The following OTUD4 variants were observed in gnomAD, a reference collection of about 807,000 sequenced individuals.
OTUD4 encodes the protein OTU deubiquitinase 4.
A neutral mutation model predicts 130.4 loss-of-function variants in OTUD4; 24 were observed. That is an observed-to-expected ratio of 0.18 (90% confidence interval 0.13 to 0.26). OTUD4 has a LOEUF of 0.26. Among genes scored for constraint, OTUD4 ranks in the 10% least tolerant of loss-of-function variants. OTUD4 has a pLI of 1.00. For missense variants in OTUD4, 1,031 were observed against 1,329.4 expected (o/e 0.78, Z 3.49); for synonymous variants, 420 against 472.5 (o/e 0.89, Z 1.44).
intron 3 of OTUD4, among the ~76,000 whole-genome samples, chr4:145,169,486 ATATT>A (rs994165649): frequency 6.6e-6 from 1 of 152,074 alleles, no homozygotes; most frequent in Admixed American, 6.6e-5. Context: ...GCAAAAAAAT[ATATT>A]TATTTATTTT....
rs769298389 is a variant in OTUD4 at position 145,136,463 on chromosome 4, C to CGGGGGGGGGGGG, written c.*955_*966dup. On this transcript the variant is annotated 3_prime_UTR_variant, in exon 21 of 21. Coordinates refer to ENST00000447906, the MANE Select transcript of OTUD4 (RefSeq NM_001366057.1). Reference sequence around the variant, plus strand: ...TGAAAGTGATACACAACCAATGGTGCGGGGGGGGGGGGGAGGAAGAAAACA... The same window carrying CGGGGGGGGGGGG: ...TGAAAGTGATACACAACCAATGGTGCGGGGGGGGGGGGGGGGGGGGGGGGGAGGAAGAAAACA... 4 of 4,288 alleles carry CGGGGGGGGGGGG rather than the reference C, an allele frequency of 9.3e-4. 1 individual carries two copies. Among genetic ancestry groups the CGGGGGGGGGGGG allele is most frequent in the Non-Finnish European group, 1.9e-3 (2 of 1,080 alleles). 0.3% of individuals were successfully genotyped at this position (4,288 alleles called of 1,614,324 possible).
At chr4:145,150,394 T>G in intron 13 of OTUD4, 119 bp downstream of exon 13, 1 of 623,930 alleles carries the variant, frequency 1.6e-6, no homozygotes, top group Middle Eastern at 3.2e-4. Flanking sequence ...CTCTTAATAC[T>G]AATATAGGGA....
chr4:145,163,704 T>C (rs1191312974), intron 5 of OTUD4, among the ~76,000 whole-genome samples: 1 of 74,964 alleles, frequency 1.3e-5, no homozygotes, highest in Non-Finnish European at 2.3e-5. Flanking sequence ...AATAGGAACC[T>C]TTTTTTTTTT....
intron 13 of OTUD4, 55 bp downstream of exon 13, chr4:145,150,458 A>AT: frequency 1.6e-6 from 2 of 1,244,690 alleles, no homozygotes; most frequent in South Asian, 1.3e-5. Flanking sequence ...TGTGGCAAAT[A>AT]TAACAAATGC....
intron 20 of OTUD4, 110 bp downstream of exon 20, chr4:145,139,841 G>A (rs1402483565): frequency 2.3e-6 from 1 of 439,906 alleles, no homozygotes; most frequent in African/African-American, 2.1e-5. Flanking sequence ...AAAATGATGA[G>A]ATTTAGTAAA....
At chr4:145,169,275 T>C (rs960982183) in intron 3 of OTUD4, among the ~76,000 whole-genome samples, 1 of 152,190 alleles carries the variant, frequency 6.6e-6, no homozygotes, top group African/African-American at 2.4e-5. Context: ...AGTGATGAAT[T>C]TCACTGTATG....
At chr4:145,162,350 G>A (rs1023098981) in intron 6 of OTUD4, among the ~76,000 whole-genome samples, 5 of 152,186 alleles carry the variant, frequency 3.3e-5, no homozygotes, top group Middle Eastern at 3.4e-3. Context: ...TCAGGAGATC[G>A]AGACCACCCT....
rs1323977578 is a variant in OTUD4 at position 145,134,435 on chromosome 4, G to C, written c.*2995C>G. Reference sequence around the variant, plus strand: ...AATATTGCTAGTTTCTAGGATGGCTGAATGTTTTCTAAACCAGAAATGGTT... The same window carrying C: ...AATATTGCTAGTTTCTAGGATGGCTCAATGTTTTCTAAACCAGAAATGGTT... On this transcript the variant is annotated 3_prime_UTR_variant, in exon 21 of 21. Transcript: ENST00000447906. 2.9e-6 allele frequency: 1 copy of C among 349,752 alleles called. No homozygotes were observed. Among genetic ancestry groups the C allele is most frequent in the Non-Finnish European group, 5.1e-6 (1 of 195,730 alleles). 21.7% of individuals were successfully genotyped at this position (349,752 alleles called of 1,614,324 possible).
Position 145,155,645 on chromosome 4 carries a change from A to G in OTUD4, c.732T>C (p.Ser244=), listed in dbSNP as rs1203404094. ...NNGNSTSLPL[S]RKVLKSLNPA... ...GATTGAGTGACTTAAGAACCTTTCTAGACAAAGGCAGGCTAGTAGAGTTCC... is the reference window on the plus strand; with the variant it reads ...GATTGAGTGACTTAAGAACCTTTCTGGACAAAGGCAGGCTAGTAGAGTTCC... Residue 244 remains serine, a synonymous_variant, in exon 9 of 21, where the codon TCT becomes TCC. Coordinates refer to ENST00000447906, the MANE Select transcript of OTUD4 (RefSeq NM_001366057.1). The G allele has an allele frequency of 6.2e-7, 1 of 1,612,768 alleles. No homozygotes were observed.
chr4:145,161,640 G>C (rs1751574412), intron 6 of OTUD4, among the ~76,000 whole-genome samples: 1 of 152,190 alleles, frequency 6.6e-6, no homozygotes, highest in Admixed American at 6.5e-5. Context: ...AATATTATTG[G>C]TTGTCACAAA....
intron 3 of OTUD4, among the ~76,000 whole-genome samples, chr4:145,166,594 C>A (rs1751887720): frequency 6.6e-6 from 1 of 151,826 alleles, no homozygotes; most frequent in Non-Finnish European, 1.5e-5. Context: ...GTAATCCCAA[C>A]ACTTTGGGAG....
chr4:145,175,117 A>G, intron 1 of OTUD4, among the ~76,000 whole-genome samples: 1 of 152,214 alleles, frequency 6.6e-6, no homozygotes, highest in East Asian at 1.9e-4. Flanking sequence ...CATCCTATAC[A>G]TATTGAAAAA....
In OTUD4 at chr4:145,146,252, T is replaced by C; in HGVS notation, c.1422+15A>G. On this transcript the variant is annotated intron_variant, in intron 14 of 20. Coordinates refer to ENST00000447906, the MANE Select transcript of OTUD4 (RefSeq NM_001366057.1). The stretch of plus-strand genomic sequence containing the variant: ...CTTCTGTATAATGACTTTTAAACTG[T>C]CTTTTCATACATACGGAAAGGGCTG... The C allele has an allele frequency of 6.8e-7, 1 of 1,480,746 alleles. No homozygotes were observed. Among genetic ancestry groups the C allele is most frequent in the Non-Finnish European group, 8.9e-7 (1 of 1,117,794 alleles). The allele number at this position is 1,480,746 out of a possible 1,614,324, so 91.7% of individuals were successfully genotyped here.
rs1168444358 is a variant in OTUD4 at position 145,141,368 on chromosome 4, A to G, written c.2083+11T>C. The stretch of plus-strand genomic sequence containing the variant: ...TGATAAAGTCGATTTGAACTTGGAG[A>G]AGGAGCTCACCTTTAGGTAGGTCCT... On this transcript the variant is annotated intron_variant, in intron 19 of 20. Coordinates refer to ENST00000447906, the MANE Select transcript of OTUD4 (RefSeq NM_001366057.1). The G allele has an allele frequency of 1.3e-6, 2 of 1,566,314 alleles. No individual in the cohort carries two copies. Among genetic ancestry groups the G allele is most frequent in the Non-Finnish European group, 1.7e-6 (2 of 1,157,020 alleles).
intron 4 of OTUD4, 89 bp downstream of exon 4, chr4:145,165,062 G>A (rs530309860): frequency 4.4e-6 from 3 of 678,950 alleles, no homozygotes; most frequent in East Asian, 5.7e-5. Flanking sequence ...AAGTATAAAA[G>A]AGCTTTGCTA....
At chr4:145,159,352 G>A in intron 7 of OTUD4, 151 bp downstream of exon 7, 2 of 1,493,730 alleles carry the variant, frequency 1.3e-6, no homozygotes, top group Non-Finnish European at 1.8e-6. Context: ...TTAGTGACAG[G>A]GATAAAGAAA....
At chr4:145,170,333 C>T (rs182982728) in intron 3 of OTUD4, among the ~76,000 whole-genome samples, 7 of 152,328 alleles carry the variant, frequency 4.6e-5, no homozygotes, top group East Asian at 3.9e-4. Context: ...CCTTTCTCAC[C>T]ACTTCTTATC....
chr4:145,150,984 CT>C, intron 11 of OTUD4, 79 bp from the exon 12 acceptor site: 1 of 788,914 alleles, frequency 1.3e-6, no homozygotes, highest in Non-Finnish European at 1.9e-6. Flanking sequence ...TTATTTTCAG[CT>C]TATATAAGAA....
chr4:145,154,875 C>G (rs189678805), intron 10 of OTUD4, among the ~76,000 whole-genome samples: 1 of 152,300 alleles, frequency 6.6e-6, no homozygotes, highest in African/African-American at 2.4e-5. Context: ...GGGTTAACCA[C>G]TAGTTTAAGA....
Sources: allele counts gnomAD v4.1 joint callset (sites outside exome capture counted in the v4.1 genomes callset), GRCh38; gene constraint gnomAD v4.1.1; transcripts MANE v1.5; gene names NCBI Gene and HGNC (gene_info 2026-07-23, HGNC 2026-07-21).